ITPKB: variants seen among roughly 807,000 people sequenced by gnomAD.
The protein encoded by ITPKB is IP3 3-kinase B.
In ITPKB, 13 loss-of-function variants were observed where a neutral mutation model predicts 69.4. The observed-to-expected ratio is 0.19, with a 90% CI of 0.12 to 0.30. The LOEUF (loss-of-function observed/expected upper bound fraction) is 0.30, where lower values mean the gene tolerates loss of function less well. ITPKB is among the 10% of genes least tolerant of loss of function. The pLI is 1.00. For missense variants in ITPKB, 1,240 were observed against 1,250.5 expected (o/e 0.99, Z 0.13); for synonymous variants, 584 against 513.7 (o/e 1.14, Z -1.85).
chr1:226,667,213 G>C lies in ITPKB; in HGVS notation c.1933-18442C>G, dbSNP rs189716083. 3.9e-5 allele frequency among the ~76,000 whole-genome samples: 6 copies of C among 152,278 alleles called. No individual in the cohort carries two copies. In the East Asian group the frequency reaches 1.2e-3, roughly 29 times the overall value. ...GATGACATGAGTGTTACCCCCACTA[G>C]AGTGAGCATTCCTTGAGGACTGGAA... On this transcript the variant is annotated intron_variant, in intron 2 of 7. Transcript: ENST00000429204.
intron 6 of ITPKB, among the ~76,000 whole-genome samples, chr1:226,638,432 G>A (rs1456084022): frequency 6.6e-6 from 1 of 152,204 alleles, no homozygotes; most frequent in Non-Finnish European, 1.5e-5. Flanking sequence ...ACGGCTGCCT[G>A]GTCCGCCCCC....
Position 226,689,572 on chromosome 1 carries a change from TGTG to T in ITPKB, c.1933-40804_1933-40802del, listed in dbSNP as rs1558086201. On this transcript the variant is annotated intron_variant, in intron 2 of 7. Coordinates refer to ENST00000429204, the MANE Select transcript of ITPKB (RefSeq NM_002221.4). ...TTCCTTTGTCGGAAGGTTTTATTTG[TGTG>T]TGTGTGTGTGTGTGTGTGTGTGTGT... is the stretch of plus-strand genomic sequence containing the variant. 3.6e-4 allele frequency among the ~76,000 whole-genome samples: 13 copies of T among 36,580 alleles called. 1 individual carries two copies. The South Asian group carries it at 3.7e-3, about 10-fold the overall frequency. The allele number at this position is 36,580 out of a possible 152,430, so 24.0% of individuals were successfully genotyped here.
intron 2 of ITPKB, among the ~76,000 whole-genome samples, chr1:226,699,176 T>C (rs1656571879): frequency 1.3e-5 from 2 of 152,242 alleles, no homozygotes; most frequent in African/African-American, 4.8e-5. Context: ...CTCAGTGCGC[T>C]ATCTGTTCTG....
chr1:226,731,115 T>C (rs937637031), intron 2 of ITPKB, among the ~76,000 whole-genome samples: 38 of 152,224 alleles, frequency 2.5e-4, no homozygotes, highest in African/African-American at 8.2e-4. Context: ...CTTTTATCTT[T>C]GATAAGACAA....
chr1:226,643,026 C>G (rs887595199), intron 4 of ITPKB, among the ~76,000 whole-genome samples: 1 of 152,200 alleles, frequency 6.6e-6, no homozygotes, highest in African/African-American at 2.4e-5. Context: ...CTGGTGCACC[C>G]CACCCCATCG....
chr1:226,728,361 T>C (rs969969626), intron 2 of ITPKB, among the ~76,000 whole-genome samples: 3 of 152,202 alleles, frequency 2.0e-5, no homozygotes, highest in African/African-American at 7.2e-5. Flanking sequence ...AAGATCAGAT[T>C]TCTAACAGTG....
At position 226,738,843 on chromosome 1, in the gene ITPKB, G is replaced by C. The variant is rs1657903649; in HGVS notation, c.-206+198C>G. 6.6e-6 allele frequency among the ~76,000 whole-genome samples: 1 copy of C among 152,152 alleles called. No homozygotes were observed. The highest frequency in any genetic ancestry group is 1.5e-5 in the Non-Finnish European group (1 of 68,020). On this transcript the variant is annotated intron_variant, in intron 1 of 7. Transcript: ENST00000429204. This position sits in a 1 kb window ranked among gnomAD's most constrained non-coding sequence, Gnocchi z 4.2. ...CCCGGAAGGCGGGTAGGAGAAATGC[G>C]GAGACCTCGTCTCTCCCTATTTTCT...
intron 2 of ITPKB, among the ~76,000 whole-genome samples, chr1:226,666,584 G>T (rs1342207395): frequency 6.6e-6 from 1 of 152,114 alleles, no homozygotes; most frequent in Non-Finnish European, 1.5e-5. Context: ...CAGCTAAGGC[G>T]ATTCTGGAAC....
chr1:226,663,861 T>C (rs576287369), intron 2 of ITPKB, among the ~76,000 whole-genome samples: 1 of 152,312 alleles, frequency 6.6e-6, no homozygotes, highest in East Asian at 1.9e-4. Flanking sequence ...TGAGGTATTT[T>C]GCAGCAGCTT....
intron 6 of ITPKB, among the ~76,000 whole-genome samples, chr1:226,639,322 T>G (rs991146557): frequency 9.9e-5 from 15 of 152,168 alleles, no homozygotes; most frequent in Non-Finnish European, 2.2e-4. Context: ...CTTCCCAAAG[T>G]GCTGGGATTA....
chr1:226,659,827 A>T (rs1160068167), intron 2 of ITPKB, among the ~76,000 whole-genome samples: 1 of 152,028 alleles, frequency 6.6e-6, no homozygotes, highest in African/African-American at 2.4e-5. Context: ...GGAACTGGGG[A>T]TCTGTCCTAA....
chr1:226,682,742 T>TG (rs1318066450), intron 2 of ITPKB, among the ~76,000 whole-genome samples: 2 of 152,244 alleles, frequency 1.3e-5, no homozygotes, highest in South Asian at 2.1e-4. Flanking sequence ...CAGACTTCCT[T>TG]GGGGAGGAGC....
chr1:226,724,523 GCATTTCCCA>G (rs1363641777), intron 2 of ITPKB, among the ~76,000 whole-genome samples: 1 of 152,140 alleles, frequency 6.6e-6, no homozygotes, highest in Non-Finnish European at 1.5e-5. Context: ...GCTGTGCTAG[GCATTTCCCA>G]CATTACCTTG....
At chr1:226,694,950 T>C (rs1015421313) in intron 2 of ITPKB, among the ~76,000 whole-genome samples, 5 of 152,234 alleles carry the variant, frequency 3.3e-5, no homozygotes, top group African/African-American at 1.2e-4. Flanking sequence ...CTGGAAGGTA[T>C]TGGGCACCGT....
chr1:226,670,024 G>A (rs1428037877), intron 2 of ITPKB, among the ~76,000 whole-genome samples: 4 of 151,306 alleles, frequency 2.6e-5, no homozygotes, highest in Non-Finnish European at 4.4e-5. Context: ...GAAGATGCAC[G>A]CCACCATGCC....
chr1:226,714,950 C>G (rs535524821), intron 2 of ITPKB, among the ~76,000 whole-genome samples: 2 of 152,192 alleles, frequency 1.3e-5, no homozygotes, highest in Non-Finnish European at 2.9e-5. Context: ...TGCTACTGAC[C>G]AGAGATACTG....
intron 4 of ITPKB, among the ~76,000 whole-genome samples, chr1:226,646,806 G>A (rs1297519093): frequency 6.6e-6 from 1 of 152,060 alleles, no homozygotes; most frequent in Non-Finnish European, 1.5e-5. Flanking sequence ...ACCATCCTGC[G>A]ACCTCCCTAC....
rs1253517498 is a variant in ITPKB, at chr1:226,738,895, C to G, written c.-206+146G>C. 6.6e-6 allele frequency: 1 copy of G among 152,296 alleles called. No homozygotes were observed. The highest frequency in any genetic ancestry group is 1.5e-5 in the Non-Finnish European group (1 of 68,088). 9.4% of individuals were successfully genotyped at this position (152,296 alleles called of 1,614,324 possible). Reference sequence around the variant, plus strand: ...CCCACCGCCACTCCATGTCACCCTCCAAAATCAAACCCCCTTCCCTGCCTC... The same window carrying G: ...CCCACCGCCACTCCATGTCACCCTCGAAAATCAAACCCCCTTCCCTGCCTC... On this transcript the variant is annotated intron_variant, in intron 1 of 7. Transcript: ENST00000429204. The surrounding 1 kb of genome is among the most constrained non-coding windows in gnomAD (Gnocchi z 4.2).
At chr1:226,673,733 C>T (rs970929569) in intron 2 of ITPKB, among the ~76,000 whole-genome samples, 1 of 152,188 alleles carries the variant, frequency 6.6e-6, no homozygotes, top group African/African-American at 2.4e-5. Flanking sequence ...TATATATTTA[C>T]ACTTCTTGGC....
Sources: allele counts gnomAD v4.1 joint callset (sites outside exome capture counted in the v4.1 genomes callset), GRCh38; gene constraint gnomAD v4.1.1; non-coding constraint Gnocchi (gnomAD v3.1); transcripts MANE v1.5; gene names NCBI Gene and HGNC (gene_info 2026-07-23, HGNC 2026-07-21).